HMCN1: variants seen among roughly 807,000 people sequenced by gnomAD.
The protein encoded by HMCN1 is hemicentin 1.
In HMCN1, 321 loss-of-function variants were observed where a neutral mutation model predicts 625.9. The ratio of observed to expected loss-of-function variants is 0.51; its 90% CI spans 0.47 to 0.56. The LOEUF (loss-of-function observed/expected upper bound fraction) is 0.56. Among genes scored for constraint, HMCN1 ranks in the 20% least tolerant of loss-of-function variants. The pLI is 0.00. For synonymous variants in HMCN1, 2,425 were observed against 2,417.6 expected, an observed-to-expected ratio of 1.00 and a Z score of -0.09; for missense variants, 6,588 against 6,887.3, an observed-to-expected ratio of 0.96 and a Z score of 1.54.
intron 4 of HMCN1, among the ~76,000 whole-genome samples, chr1:185,869,892 C>T (rs1248336050): frequency 1.3e-5 from 2 of 152,102 alleles, no homozygotes; most frequent in African/African-American, 4.8e-5. Context: ...GACTCTTCAT[C>T]TACTGTTTCT....
intron 97 of HMCN1, among the ~76,000 whole-genome samples, chr1:186,163,817 C>T (rs1246637967): frequency 1.3e-5 from 2 of 152,076 alleles, no homozygotes; most frequent in East Asian, 1.9e-4. Flanking sequence ...GAGTCCTGTC[C>T]CACTCACTGA....
chr1:186,144,065 T>G, intron 89 of HMCN1, 108 bp from the exon 90 acceptor site: 4 of 931,772 alleles, frequency 4.3e-6, no homozygotes, highest in Non-Finnish European at 6.4e-6. Flanking sequence ...TTCAATTCTC[T>G]TAGATTGGGG....
At chr1:185,805,273 T>G (rs1409708772) in intron 1 of HMCN1, among the ~76,000 whole-genome samples, 1 of 152,186 alleles carries the variant, frequency 6.6e-6, no homozygotes, top group Non-Finnish European at 1.5e-5. Flanking sequence ...AAATTTTATT[T>G]CCCAAAATAT....
chr1:185,791,732 A>G (rs1052642214), intron 1 of HMCN1, among the ~76,000 whole-genome samples: 5 of 152,046 alleles, frequency 3.3e-5, no homozygotes, highest in Non-Finnish European at 5.9e-5. Flanking sequence ...AAATAAACAA[A>G]CAAACAAACA....
intron 10 of HMCN1, among the ~76,000 whole-genome samples, chr1:185,933,338 TG>T (rs1667647821): frequency 1.3e-5 from 2 of 152,272 alleles, no homozygotes; most frequent in South Asian, 4.1e-4. Flanking sequence ...GAGTATCCTT[TG>T]GTATGTAAAT....
chr1:185,815,624 T>G (rs1659798434), intron 1 of HMCN1, among the ~76,000 whole-genome samples: 1 of 149,482 alleles, frequency 6.7e-6, no homozygotes, highest in Non-Finnish European at 1.5e-5. Flanking sequence ...AGACCAAGAG[T>G]TCTAGGTCTT....
chr1:185,819,937 G>A (rs1341202189), intron 1 of HMCN1, among the ~76,000 whole-genome samples: 2 of 152,088 alleles, frequency 1.3e-5, no homozygotes, highest in East Asian at 1.9e-4. Context: ...CCTGTTAAAG[G>A]CATGGCAAGT....
chr1:185,987,608 C>T (rs1244362715), intron 20 of HMCN1, 64 bp downstream of exon 20: 4 of 1,109,416 alleles, frequency 3.6e-6, no homozygotes, highest in Non-Finnish European at 5.5e-6. Context: ...GCAAGTTATC[C>T]CTAGTCTTGA....
intron 1 of HMCN1, among the ~76,000 whole-genome samples, chr1:185,784,855 G>T (rs114720206): frequency 3.6e-3 from 550 of 152,284 alleles, no homozygotes; most frequent in African/African-American, 0.012. Context: ...AGCCCAGAAT[G>T]TTCCTTTTAT....
In HMCN1 at chr1:186,137,681, A is replaced by G; in HGVS notation, c.13753+13A>G. 1 of 1,613,998 alleles carries G rather than the reference A, an allele frequency of 6.2e-7. No individual in the cohort carries two copies. The highest frequency in any genetic ancestry group is 1.1e-5 in the South Asian group (1 of 91,080). ...AAGCCTTGTCCAGGTACACCTCCTTATTTAACTGATAGGCATGTGTTTAAT... is the reference window on the plus strand; with the variant it reads ...AAGCCTTGTCCAGGTACACCTCCTTGTTTAACTGATAGGCATGTGTTTAAT... On this transcript the variant is annotated intron_variant, in intron 88 of 106. Transcript: ENST00000271588.
chr1:185,916,527 T>G (rs1209972536), intron 6 of HMCN1, among the ~76,000 whole-genome samples: 1 of 152,162 alleles, frequency 6.6e-6, no homozygotes, highest in African/African-American at 2.4e-5. Context: ...GGTTAATTAG[T>G]TGTTCTCTTG....
intron 1 of HMCN1, among the ~76,000 whole-genome samples, chr1:185,781,953 G>T (rs528527789): frequency 3.9e-5 from 6 of 152,166 alleles, no homozygotes; most frequent in Admixed American, 1.3e-4. Context: ...GGGTGTTAAA[G>T]TCTCCCATTA....
chr1:185,866,397 ATTT>A (rs969071873), intron 4 of HMCN1, among the ~76,000 whole-genome samples: 4,595 of 102,440 alleles, frequency 0.045, 174 homozygotes, highest in African/African-American at 0.18. Flanking sequence ...GTTTGTCATA[ATTT>A]TTTTTTTTTT....
At chr1:185,973,806 T>C (rs750094383) in intron 15 of HMCN1, among the ~76,000 whole-genome samples, 4 of 152,204 alleles carry the variant, frequency 2.6e-5, no homozygotes, top group South Asian at 2.1e-4. Context: ...AAACAAAAAG[T>C]TGGCTTGGCA....
chr1:185,876,931 T>G (rs1663977761), intron 4 of HMCN1, among the ~76,000 whole-genome samples: 1 of 152,078 alleles, frequency 6.6e-6, no homozygotes, highest in Admixed American at 6.6e-5. Flanking sequence ...CATTTATCTA[T>G]TTTTGGATTT....
chr1:186,062,990 AG>A (rs1252573686), intron 48 of HMCN1, among the ~76,000 whole-genome samples: 1 of 147,918 alleles, frequency 6.8e-6, no homozygotes, highest in African/African-American at 2.5e-5. Flanking sequence ...TTGCTGCAAA[AG>A]ACATGATTTC....
chr1:186,183,861 C>T (rs1653103265), intron 105 of HMCN1, among the ~76,000 whole-genome samples: 1 of 152,010 alleles, frequency 6.6e-6, no homozygotes, highest in Non-Finnish European at 1.5e-5. Context: ...ACCACTTTTC[C>T]CCAGTTCTTC....
chr1:186,120,572 G>A (rs144280657), intron 80 of HMCN1, among the ~76,000 whole-genome samples: 126 of 152,274 alleles, frequency 8.3e-4, no homozygotes, highest in African/African-American at 2.9e-3. Flanking sequence ...GGGTATTTTT[G>A]TGTTTTCAAA....
chr1:186,000,595 G>A (rs1226114861), intron 26 of HMCN1, among the ~76,000 whole-genome samples: 1 of 148,938 alleles, frequency 6.7e-6, no homozygotes, highest in Non-Finnish European at 1.5e-5. Flanking sequence ...GTGTGTGTAT[G>A]TATGTGTCTT....
Sources: gnomAD v4.1 joint callset for allele counts (sites outside exome capture counted in the v4.1 genomes callset) on GRCh38, gnomAD v4.1.1 for gene constraint, MANE v1.5 for transcripts, NCBI Gene and HGNC (gene_info 2026-07-23, HGNC 2026-07-21) for gene names.